Variants in CA10 observed in about 807,000 individuals in gnomAD.
CA10 encodes carbonic anhydrase-related protein 10.
In CA10, 14 loss-of-function variants were observed where a neutral mutation model predicts 44.2. The observed-to-expected ratio is 0.32, with a 90% CI of 0.21 to 0.50. CA10 has a LOEUF of 0.50. Ranked by LOEUF, CA10 falls within the 20% of genes least tolerant of loss-of-function variation. CA10 has a pLI of 0.99. For missense variants in CA10, 350 were observed against 409.7 expected, an observed-to-expected ratio of 0.85 and a Z score of 1.26; for synonymous variants, 159 against 141.6, an observed-to-expected ratio of 1.12 and a Z score of -0.87.
chr17:51,747,955 G>A (rs1348554922), intron 3 of CA10, 137 bp from the exon 4 acceptor site: 12 of 627,950 alleles, frequency 1.9e-5, no homozygotes, highest in Middle Eastern at 2.9e-4. Context: ...GGAGTAGGGC[G>A]TGGCAGCTGC....
chr17:51,799,479 C>A (rs1906844380), intron 3 of CA10, among the ~76,000 whole-genome samples: 1 of 152,118 alleles, frequency 6.6e-6, no homozygotes, highest in South Asian at 2.1e-4. Context: ...CTTGGCTCTC[C>A]ACCATGAATC....
chr17:52,126,541 C>G (rs1483013886), intron 1 of CA10, among the ~76,000 whole-genome samples: 1 of 152,140 alleles, frequency 6.6e-6, no homozygotes, highest in African/African-American at 2.4e-5. Context: ...GCATCAATCT[C>G]TAGGATTATT....
intron 2 of CA10, among the ~76,000 whole-genome samples, chr17:51,970,911 T>C (rs989581799): frequency 1.3e-5 from 2 of 151,954 alleles, no homozygotes; most frequent in Non-Finnish European, 2.9e-5. Flanking sequence ...GTAGAGAAAG[T>C]GGACAAGCAG....
At chr17:52,087,109 C>T (rs1270616677) in intron 1 of CA10, among the ~76,000 whole-genome samples, 1 of 152,156 alleles carries the variant, frequency 6.6e-6, no homozygotes, top group African/African-American at 2.4e-5. Flanking sequence ...TTACTAGAAA[C>T]CTGATGACCC....
chr17:52,018,969 G>A (rs1011007543), intron 2 of CA10, among the ~76,000 whole-genome samples: 8 of 152,072 alleles, frequency 5.3e-5, no homozygotes, highest in African/African-American at 1.9e-4. Flanking sequence ...GTTTAAAAGA[G>A]ACCGACACTC....
intron 3 of CA10, among the ~76,000 whole-genome samples, chr17:51,815,084 T>G (rs1018413087): frequency 2.0e-5 from 3 of 152,054 alleles, no homozygotes; most frequent in African/African-American, 4.8e-5. Flanking sequence ...AAAACAGCAG[T>G]GCTCATCTAG....
chr17:51,729,219 T>G (rs2143553409), intron 4 of CA10, among the ~76,000 whole-genome samples: 1 of 152,314 alleles, frequency 6.6e-6, no homozygotes, highest in Non-Finnish European at 1.5e-5. Context: ...CACTCCACAC[T>G]TAGGCCTTGG....
intron 1 of CA10, among the ~76,000 whole-genome samples, chr17:52,108,492 T>G (rs140447535): frequency 2.7e-5 from 4 of 149,324 alleles, no homozygotes; most frequent in African/African-American, 7.3e-5. Context: ...AGGTCAGGAG[T>G]TCGAGACCAG....
intron 4 of CA10, among the ~76,000 whole-genome samples, chr17:51,717,829 GTATATATATATATATATATA>G (rs55932655): frequency 3.8e-4 from 3 of 7,920 alleles, no homozygotes; most frequent in African/African-American, 6.8e-4. Context: ...ATATGTGTGT[GTATATATATATATATATATA>G]TATATATATA....
chr17:51,794,420 G>A (rs191882665), intron 3 of CA10, among the ~76,000 whole-genome samples: 7 of 152,260 alleles, frequency 4.6e-5, no homozygotes, highest in Admixed American at 1.3e-4. Flanking sequence ...CGGAGACTAC[G>A]TCATTTTACC....
intron 4 of CA10, among the ~76,000 whole-genome samples, chr17:51,727,153 A>T (rs531969274): frequency 1.8e-4 from 28 of 152,322 alleles, no homozygotes; most frequent in African/African-American, 6.0e-4. Context: ...GAGACTCCTC[A>T]GCAATGGACT....
rs73987189 is a variant in CA10, at chr17:51,756,020, G to A, written c.280-8202C>T. 6.8e-3 allele frequency among the ~76,000 whole-genome samples: 1,026 copies of A among 151,712 alleles called. 12 individuals are homozygous for A. The highest frequency in any genetic ancestry group is 0.023 in the African/African-American group (968 of 41,376). On this transcript the variant is annotated intron_variant, in intron 3 of 8. Coordinates refer to ENST00000451037, the MANE Select transcript of CA10 (RefSeq NM_020178.5). ...TGTTCACTGGTAACATAGAAGAGCC[G>A]GCATTCTTGCCTTTGAGATTTGGGA...
chr17:51,956,654 C>G (rs1226844535), intron 2 of CA10, among the ~76,000 whole-genome samples: 1 of 152,122 alleles, frequency 6.6e-6, no homozygotes, highest in Admixed American at 6.6e-5. Context: ...AACTATGAAT[C>G]TTACCCATCC....
intron 2 of CA10, among the ~76,000 whole-genome samples, chr17:52,061,635 G>A (rs1598193685): frequency 6.6e-6 from 1 of 152,242 alleles, no homozygotes; most frequent in East Asian, 1.9e-4. Flanking sequence ...GAGTTCTCAT[G>A]AAATCTCATG....
intron 3 of CA10, among the ~76,000 whole-genome samples, chr17:51,812,747 G>A (rs1303313222): frequency 6.6e-6 from 1 of 152,176 alleles, no homozygotes; most frequent in Non-Finnish European, 1.5e-5. Flanking sequence ...ATATCCTTTT[G>A]TAATGCTGTC....
At chr17:51,811,677 G>A (rs1907372592) in intron 3 of CA10, among the ~76,000 whole-genome samples, 1 of 152,128 alleles carries the variant, frequency 6.6e-6, no homozygotes, top group South Asian at 2.1e-4. Flanking sequence ...TCTTAATCCA[G>A]TCTATCATTG....
At chr17:52,067,508 T>C (rs1002023799) in intron 2 of CA10, among the ~76,000 whole-genome samples, 20 of 152,122 alleles carry the variant, frequency 1.3e-4, no homozygotes, top group African/African-American at 4.6e-4. Context: ...AAATGCGGGG[T>C]GCGAACTCCT....
chr17:51,946,816 T>C (rs148028243), intron 2 of CA10, among the ~76,000 whole-genome samples: 3 of 152,266 alleles, frequency 2.0e-5, no homozygotes, highest in African/African-American at 7.2e-5. Context: ...ATAATCCTTG[T>C]AGCTTATAGT....
intron 2 of CA10, among the ~76,000 whole-genome samples, chr17:52,021,778 C>A (rs1200500041): frequency 6.6e-6 from 1 of 152,048 alleles, no homozygotes; most frequent in African/African-American, 2.4e-5. Flanking sequence ...ATGAACACCT[C>A]TATGCACACA....
Sources: allele counts gnomAD v4.1 joint callset (sites outside exome capture counted in the v4.1 genomes callset), GRCh38; gene constraint gnomAD v4.1.1; transcripts MANE v1.5; gene names NCBI Gene and HGNC (gene_info 2026-07-23, HGNC 2026-07-21).